CLSTN2: variants seen among roughly 807,000 people sequenced by gnomAD.
CLSTN2 encodes calsyntenin 2.
Under a neutral mutation model 101.2 loss-of-function variants are expected in CLSTN2, and 48 were observed. That is an observed-to-expected ratio of 0.47 (90% CI 0.38 to 0.60). The LOEUF is 0.60. Ranked by LOEUF, CLSTN2 falls within the 20% of genes least tolerant of loss-of-function variation. The pLI is 0.00. For missense variants in CLSTN2, 1,160 were observed against 1,238.2 expected, an observed-to-expected ratio of 0.94 and a Z score of 0.95; for synonymous variants, 481 against 463.6, an observed-to-expected ratio of 1.04 and a Z score of -0.48.
At chr3:140,412,706 A>G (rs910358632) in intron 4 of CLSTN2, among the ~76,000 whole-genome samples, 7 of 152,214 alleles carry the variant, frequency 4.6e-5, no homozygotes, top group Non-Finnish European at 1.0e-4. Flanking sequence ...TTTCTCAACC[A>G]TGACGGTATG....
intron 2 of CLSTN2, among the ~76,000 whole-genome samples, chr3:140,202,703 G>A (rs1042968275): frequency 3.9e-5 from 6 of 152,204 alleles, no homozygotes; most frequent in African/African-American, 1.4e-4. Context: ...CAAGAGAAGA[G>A]ATAGGATGAG....
In CLSTN2 at chr3:140,562,965, G is replaced by T. The variant is rs773224215; in HGVS notation, c.2358+9G>T. 14 of 1,613,754 alleles carry T rather than the reference G, an allele frequency of 8.7e-6. No homozygotes were observed. The highest frequency in any genetic ancestry group is 1.0e-5 in the Non-Finnish European group (12 of 1,179,810). ...ATGAGTTCAACTTGGAGGTGAGTGG[G>T]TCCTGCCATTGTTAGGGAAGCCAAG... is the stretch of plus-strand genomic sequence containing the variant. On this transcript the variant is annotated intron_variant, in intron 14 of 16. Coordinates refer to ENST00000458420, the MANE Select transcript of CLSTN2 (RefSeq NM_022131.3).
At chr3:140,299,889 A>G (rs1246988994) in intron 2 of CLSTN2, among the ~76,000 whole-genome samples, 1 of 152,170 alleles carries the variant, frequency 6.6e-6, no homozygotes, top group African/African-American at 2.4e-5. Flanking sequence ...GCTCTCAGTG[A>G]GGGTTTTCTT....
intron 2 of CLSTN2, among the ~76,000 whole-genome samples, chr3:140,184,309 A>G (rs1289232139): frequency 3.3e-5 from 5 of 152,332 alleles, no homozygotes; most frequent in Admixed American, 2.0e-4. Context: ...GGTAACTTAT[A>G]AAGAAAGAGG....
At chr3:140,112,336 G>A (rs902185617) in intron 1 of CLSTN2, among the ~76,000 whole-genome samples, 8 of 150,946 alleles carry the variant, frequency 5.3e-5, no homozygotes, top group African/African-American at 1.7e-4. Flanking sequence ...CAGGGAAGAG[G>A]AGCAAATATT....
chr3:140,153,276 A>T (rs2009896758), intron 1 of CLSTN2, among the ~76,000 whole-genome samples: 3 of 152,204 alleles, frequency 2.0e-5, no homozygotes, highest in Admixed American at 2.0e-4. Context: ...CTGGTAATAT[A>T]AGGGGCTGCC....
chr3:140,552,848 A>C (rs1375845734), intron 10 of CLSTN2, among the ~76,000 whole-genome samples: 2 of 152,164 alleles, frequency 1.3e-5, no homozygotes, highest in African/African-American at 4.8e-5. Flanking sequence ...AGACTCTGCT[A>C]TAGGAGGATG....
At chr3:140,407,313 T>C (rs994310999) in intron 4 of CLSTN2, among the ~76,000 whole-genome samples, 1 of 152,194 alleles carries the variant, frequency 6.6e-6, no homozygotes, top group African/African-American at 2.4e-5. Context: ...GATGGATGTC[T>C]CCTGGCCCCT....
At chr3:140,114,055 G>T (rs1327795999) in intron 1 of CLSTN2, among the ~76,000 whole-genome samples, 1 of 152,112 alleles carries the variant, frequency 6.6e-6, no homozygotes, top group Non-Finnish European at 1.5e-5. Flanking sequence ...AGCAGACATG[G>T]ATCCTTACCA....
At chr3:140,436,689 G>A (rs1054539410) in intron 5 of CLSTN2, among the ~76,000 whole-genome samples, 1 of 152,230 alleles carries the variant, frequency 6.6e-6, no homozygotes, top group South Asian at 2.1e-4. Context: ...AGGTGTGGAA[G>A]CCCAGGGAGA....
chr3:140,000,873 G>A (rs1202284769), intron 1 of CLSTN2, among the ~76,000 whole-genome samples: 1 of 152,090 alleles, frequency 6.6e-6, no homozygotes, highest in Non-Finnish European at 1.5e-5. Context: ...TATACCAAAG[G>A]CCTGTAAGCC....
intron 6 of CLSTN2, 21 bp from the exon 7 acceptor site, chr3:140,459,500 T>G (rs1933503355): frequency 6.2e-7 from 1 of 1,612,284 alleles, no homozygotes; most frequent in African/African-American, 1.3e-5. Context: ...CTGTTATCCT[T>G]TCTTTCCTGA....
At chr3:140,051,349 T>C (rs2007987387) in intron 1 of CLSTN2, among the ~76,000 whole-genome samples, 1 of 152,204 alleles carries the variant, frequency 6.6e-6, no homozygotes, top group Admixed American at 6.5e-5. Context: ...GGGTAAAATA[T>C]TACAGACTTT....
intron 1 of CLSTN2, among the ~76,000 whole-genome samples, chr3:140,060,740 G>A (rs574961909): frequency 2.8e-4 from 43 of 152,204 alleles, no homozygotes; most frequent in Non-Finnish European, 5.3e-4. Context: ...GACCTGATGG[G>A]TAACTGGTGT....
chr3:140,400,932 G>C (rs544558351), intron 2 of CLSTN2, among the ~76,000 whole-genome samples: 11 of 152,280 alleles, frequency 7.2e-5, no homozygotes, highest in African/African-American at 2.6e-4. Flanking sequence ...TGCCTGACCA[G>C]GCCAGAATAC....
chr3:140,286,038 G>C (rs142654917), intron 2 of CLSTN2, among the ~76,000 whole-genome samples: 2 of 152,160 alleles, frequency 1.3e-5, no homozygotes, highest in African/African-American at 4.8e-5. Context: ...AAACTTTAGC[G>C]TTAGGCTCTA....
At position 140,568,893 on chromosome 3, in the gene CLSTN2, A is replaced by C. The variant is rs1373457764; in HGVS notation, c.*2640A>C. The C allele has an allele frequency of 1.3e-5, 2 of 152,150 alleles. No homozygotes were observed. The highest frequency in any genetic ancestry group is 4.8e-5 in the African/African-American group (2 of 41,410). The allele number at this position is 152,150 out of a possible 1,614,324, so 9.4% of individuals were successfully genotyped here. On this transcript the variant is annotated 3_prime_UTR_variant, in exon 17 of 17. Transcript: ENST00000458420. ...ATGGCTAGGGCAGCAAAGATGAATA[A>C]TTTGAGGAAGCATTTGGTTGGTGGA...
chr3:140,112,369 G>T (rs34340180), intron 1 of CLSTN2, among the ~76,000 whole-genome samples: 54,011 of 151,256 alleles, frequency 0.36, 11,763 homozygotes, highest in African/African-American at 0.6. Flanking sequence ...GTGTGTGTGT[G>T]TTTTTTACTA....
At chr3:140,398,373 A>C (rs981656673) in intron 2 of CLSTN2, among the ~76,000 whole-genome samples, 1 of 152,156 alleles carries the variant, frequency 6.6e-6, no homozygotes, top group African/African-American at 2.4e-5. Flanking sequence ...TTTCCCCTAC[A>C]TGTATGCTTT....
Sources: allele counts gnomAD v4.1 joint callset (sites outside exome capture counted in the v4.1 genomes callset), GRCh38; gene constraint gnomAD v4.1.1; transcripts MANE v1.5; gene names NCBI Gene and HGNC (gene_info 2026-07-23, HGNC 2026-07-21).